SKAP1: variants seen among roughly 807,000 people sequenced by gnomAD.
SKAP1 encodes src kinase-associated phosphoprotein 1.
In SKAP1, 44 loss-of-function variants were observed where a neutral mutation model predicts 58.5. That is an observed-to-expected ratio of 0.75 (90% CI 0.59 to 0.97). The LOEUF (loss-of-function observed/expected upper bound fraction) is 0.97, where lower values mean the gene tolerates loss of function less well. Among genes scored for constraint, SKAP1 ranks in the 50% least tolerant of loss-of-function variants. The pLI, the probability that SKAP1 is intolerant of heterozygous loss-of-function variation, is 0.00. For synonymous variants in SKAP1, 127 were observed against 149.7 expected, an observed-to-expected ratio of 0.85 and a Z score of 1.11; for missense variants, 390 against 435.2, an observed-to-expected ratio of 0.90 and a Z score of 0.92.
intron 2 of SKAP1, among the ~76,000 whole-genome samples, chr17:48,364,377 T>G (rs2066975839): frequency 6.6e-6 from 1 of 152,142 alleles, no homozygotes; most frequent in Non-Finnish European, 1.5e-5. Flanking sequence ...AAATTCTTAA[T>G]TTTACAAGTG....
intron 4 of SKAP1, among the ~76,000 whole-genome samples, chr17:48,192,000 C>T (rs941389509): frequency 1.3e-5 from 2 of 152,084 alleles, no homozygotes; most frequent in Admixed American, 1.3e-4. Context: ...AGAGAAGGCT[C>T]TCTGAAGTGC....
In SKAP1 at chr17:48,265,899, A is replaced by G. The variant is rs142778650; in HGVS notation, c.281-76399T>C. 4.9e-4 allele frequency among the ~76,000 whole-genome samples: 75 copies of G among 152,326 alleles called. 1 individual carries two copies. Among genetic ancestry groups the G allele is most frequent in the Admixed American group, 1.3e-3 (20 of 15,306 alleles). On this transcript the variant is annotated intron_variant, in intron 4 of 12. Transcript: ENST00000336915. ...TCTGCATGTCTGTTTAGGTTGTCCA[A>G]GTTTTCAACTTAACTTATTTTTAAA...
At chr17:48,284,380 G>A (rs1342376300) in intron 4 of SKAP1, among the ~76,000 whole-genome samples, 1 of 152,118 alleles carries the variant, frequency 6.6e-6, no homozygotes, top group Non-Finnish European at 1.5e-5. Context: ...AGAACATGGA[G>A]GAAAAACTGT....
intron 1 of SKAP1, among the ~76,000 whole-genome samples, chr17:48,422,007 T>C (rs1165688256): frequency 6.6e-6 from 1 of 152,008 alleles, no homozygotes; most frequent in East Asian, 1.9e-4. Flanking sequence ...GGCCAAGAGA[T>C]CGAGACCATC....
intron 4 of SKAP1, among the ~76,000 whole-genome samples, chr17:48,234,728 G>A (rs1239231080): frequency 1.3e-5 from 2 of 151,564 alleles, no homozygotes; most frequent in African/African-American, 4.8e-5. Context: ...TTTTTTTCTG[G>A]TAGGAAAGAC....
At chr17:48,392,712 T>C (rs915999299) in intron 2 of SKAP1, among the ~76,000 whole-genome samples, 23 of 151,806 alleles carry the variant, frequency 1.5e-4, no homozygotes, top group African/African-American at 5.3e-4. Flanking sequence ...CAAAAACCTT[T>C]AGCCAGGTGT....
chr17:48,430,034 C>A (rs2067898377), intron 1 of SKAP1, 41 bp downstream of exon 1: 6 of 1,260,382 alleles, frequency 4.8e-6, no homozygotes, highest in Non-Finnish European at 6.0e-6. Flanking sequence ...CCCTTTCGGC[C>A]TTCGGCTCAG....
chr17:48,239,178 A>G (rs62066451), intron 4 of SKAP1, among the ~76,000 whole-genome samples: 4,628 of 152,284 alleles, frequency 0.03, 114 homozygotes, highest in Non-Finnish European at 0.048. Flanking sequence ...ATTTAACACA[A>G]TAACCATCTC....
At chr17:48,288,529 C>G (rs908480544) in intron 4 of SKAP1, among the ~76,000 whole-genome samples, 1 of 151,976 alleles carries the variant, frequency 6.6e-6, no homozygotes, top group Non-Finnish European at 1.5e-5. Flanking sequence ...CTACTAAAAA[C>G]ACAAAAATTA....
rs138755235 is a variant in SKAP1 at position 48,196,350 on chromosome 17, A to G, written c.281-6850T>C. On this transcript the variant is annotated intron_variant, in intron 4 of 12. Coordinates refer to ENST00000336915, the MANE Select transcript of SKAP1 (RefSeq NM_003726.4). ...GTCAAAAAATTATTTTAGTATCTATATTTCTTATTTACTTTTTTATGAGTA... is the reference window on the plus strand; with the variant it reads ...GTCAAAAAATTATTTTAGTATCTATGTTTCTTATTTACTTTTTTATGAGTA... Among the ~76,000 whole-genome samples, 551 of 152,280 alleles carry G rather than the reference A, an allele frequency of 3.6e-3. 7 individuals are homozygous for G. Among genetic ancestry groups the G allele is most frequent in the Non-Finnish European group, 1.2e-3 (83 of 68,010 alleles).
intron 11 of SKAP1, among the ~76,000 whole-genome samples, chr17:48,147,511 C>T (rs1344173812): frequency 6.6e-6 from 1 of 152,168 alleles, no homozygotes; most frequent in Admixed American, 6.5e-5. Context: ...AAATCAGCAT[C>T]CTTCTAACTG....
rs532679696 is a variant in SKAP1, at chr17:48,158,330, A to G, written c.978+4139T>C. Among the ~76,000 whole-genome samples the G allele has an allele frequency of 1.8e-3, 272 of 151,614 alleles. 1 individual carries two copies. Among genetic ancestry groups the G allele is most frequent in the Non-Finnish European group, 2.6e-3 (176 of 67,888 alleles). On this transcript the variant is annotated intron_variant, in intron 11 of 12. Transcript: ENST00000336915. The stretch of plus-strand genomic sequence containing the variant: ...GGGAGGCCGAGGCGGGCGGATCACG[A>G]GGTCAGGAGATCCAGACCATTCTGG...
chr17:48,406,974 G>C (rs1282889293), intron 1 of SKAP1, among the ~76,000 whole-genome samples: 1 of 152,126 alleles, frequency 6.6e-6, no homozygotes, highest in Non-Finnish European at 1.5e-5. Flanking sequence ...AGTGCTGCAG[G>C]CATGAGCCAT....
chr17:48,228,021 C>A lies in SKAP1; in HGVS notation c.281-38521G>T, dbSNP rs182690890. Reference sequence around the variant, plus strand: ...GGTGTATTTCTGTGTATATCCTGATCACTAATAAGTAGCAGAGATATTATG... The same window carrying A: ...GGTGTATTTCTGTGTATATCCTGATAACTAATAAGTAGCAGAGATATTATG... On this transcript the variant is annotated intron_variant, in intron 4 of 12. Transcript: ENST00000336915. 9.5e-4 allele frequency among the ~76,000 whole-genome samples: 145 copies of A among 152,218 alleles called. 1 individual carries two copies. Among genetic ancestry groups the A allele is most frequent in the African/African-American group, 2.8e-3 (115 of 41,550 alleles).
rs755355222 is a variant in SKAP1, at chr17:48,162,544, G to T, written c.903C>A (p.Gly301=). 6 of 1,613,444 alleles carry T rather than the reference G, an allele frequency of 3.7e-6. No homozygotes were observed. The highest frequency in any genetic ancestry group is 1.1e-5 in the South Asian group (1 of 90,964). The change falls in exon 11 of 13, where the codon GGC becomes GGA. Residue 301 remains glycine (G), a synonymous_variant. Transcript: ENST00000336915. The part of the protein sequence containing the change: ...KGVDYASYYQ[G]LWDCHGDQPD... The stretch of plus-strand genomic sequence containing the variant: ...GCTGGTCACCATGGCAATCCCATAG[G>T]CCCTGGTAGTAACTGGCATAGTCTA...
chr17:48,262,688 T>C (rs1224445963), intron 4 of SKAP1, among the ~76,000 whole-genome samples: 1 of 152,212 alleles, frequency 6.6e-6, no homozygotes, highest in African/African-American at 2.4e-5. Context: ...TGAACATATG[T>C]TTTATGAGCC....
chr17:48,226,689 C>G (rs973673667), intron 4 of SKAP1, among the ~76,000 whole-genome samples: 3 of 152,146 alleles, frequency 2.0e-5, no homozygotes, highest in African/African-American at 7.2e-5. Context: ...GTGCATAGAT[C>G]TATCAGATGA....
intron 3 of SKAP1, among the ~76,000 whole-genome samples, chr17:48,346,460 C>A (rs2066724748): frequency 6.6e-6 from 1 of 151,926 alleles, no homozygotes; most frequent in Non-Finnish European, 1.5e-5. Context: ...CCTCTCTCCA[C>A]TAAAAATACA....
chr17:48,368,310 T>C (rs530882949), intron 2 of SKAP1, among the ~76,000 whole-genome samples: 34 of 152,240 alleles, frequency 2.2e-4, no homozygotes, highest in Non-Finnish European at 3.4e-4. Context: ...TTCTATACTC[T>C]TCAGGAGGGA....
Sources: gnomAD v4.1 joint callset for allele counts (sites outside exome capture counted in the v4.1 genomes callset) on GRCh38, gnomAD v4.1.1 for gene constraint, MANE v1.5 for transcripts, NCBI Gene and HGNC (gene_info 2026-07-23, HGNC 2026-07-21) for gene names.